Variants in MCTP1 observed in about 807,000 individuals in gnomAD.
MCTP1 encodes multiple C2 and transmembrane domain-containing protein 1.
MCTP1 carries 69 observed loss-of-function variants against 120.6 expected under a neutral mutation model. The observed-to-expected ratio is 0.57, with a 90% CI of 0.47 to 0.70. The LOEUF (loss-of-function observed/expected upper bound fraction) is 0.70, where lower values mean the gene tolerates loss of function less well. MCTP1 is among the 30% of genes least tolerant of loss of function. The probability of loss-of-function intolerance (pLI) is 0.00; values close to 1 mark genes in which losing one functional copy is unlikely to be tolerated. For synonymous variants in MCTP1, 529 were observed against 493.1 expected (o/e 1.07, Z -0.96); for missense variants, 1,203 against 1,248.8 (o/e 0.96, Z 0.55).
At chr5:94,927,482 A>G (rs1813451190) in intron 6 of MCTP1, among the ~76,000 whole-genome samples, 1 of 152,208 alleles carries the variant, frequency 6.6e-6, no homozygotes, top group Non-Finnish European at 1.5e-5. Flanking sequence ...GACTAGAAAT[A>G]TGGCACCTAA....
At chr5:95,050,712 G>A (rs1249062449) in intron 1 of MCTP1, among the ~76,000 whole-genome samples, 1 of 152,208 alleles carries the variant, frequency 6.6e-6, no homozygotes, top group Non-Finnish European at 1.5e-5. Flanking sequence ...CCTTGGCAGA[G>A]ATGCTTTGCT....
In MCTP1 at chr5:95,002,795, T is replaced by C. The variant is rs12515024; in HGVS notation, c.838+14572A>G. Among the ~76,000 whole-genome samples the C allele has an allele frequency of 5.0e-3, 768 of 152,298 alleles. 2 individuals carry two copies. The highest frequency in any genetic ancestry group is 0.011 in the Admixed American group (175 of 15,300). ...TTAATGCTGGAATGAGTTAAGACTT[T>C]GGGAGACTGTTGGAAGGGAATGATT... On this transcript the variant is annotated intron_variant, in intron 2 of 22. Coordinates refer to ENST00000515393, the MANE Select transcript of MCTP1 (RefSeq NM_024717.7).
At chr5:94,798,605 C>A (rs1382671872) in intron 18 of MCTP1, among the ~76,000 whole-genome samples, 1 of 151,988 alleles carries the variant, frequency 6.6e-6, no homozygotes, top group African/African-American at 2.4e-5. Context: ...TTCCAATGAC[C>A]GAGCACAAAG....
intron 1 of MCTP1, among the ~76,000 whole-genome samples, chr5:95,037,907 C>A (rs920021144): frequency 6.6e-6 from 1 of 152,212 alleles, no homozygotes; most frequent in East Asian, 1.9e-4. Context: ...CAACCACCAC[C>A]ACCTACTTAT....
chr5:94,899,809 T>C (rs1209172907), intron 10 of MCTP1, among the ~76,000 whole-genome samples: 1 of 152,178 alleles, frequency 6.6e-6, no homozygotes, highest in Non-Finnish European at 1.5e-5. Flanking sequence ...AATCCATGAA[T>C]ATATTTCCTT....
chr5:94,734,302 G>A (rs948046703), intron 19 of MCTP1, among the ~76,000 whole-genome samples: 2 of 152,150 alleles, frequency 1.3e-5, no homozygotes, highest in South Asian at 4.1e-4. Flanking sequence ...CTTATAACAT[G>A]TATTGTACTT....
intron 1 of MCTP1, among the ~76,000 whole-genome samples, chr5:95,259,966 T>C (rs1758317822): frequency 1.3e-5 from 2 of 152,204 alleles, no homozygotes; most frequent in African/African-American, 2.4e-5. Context: ...AAGGAGGGGT[T>C]TGTGCCTGAC....
intron 12 of MCTP1, among the ~76,000 whole-genome samples, chr5:94,881,718 G>A (rs1413466618): frequency 6.6e-6 from 1 of 152,098 alleles, no homozygotes; most frequent in Non-Finnish European, 1.5e-5. Flanking sequence ...TGTGAGATTA[G>A]TCATATATGA....
chr5:94,830,047 G>A (rs994122012), intron 17 of MCTP1, among the ~76,000 whole-genome samples: 3 of 152,278 alleles, frequency 2.0e-5, no homozygotes, highest in Non-Finnish European at 4.4e-5. Flanking sequence ...GGCAGCATTC[G>A]GGATGTTTCA....
At chr5:94,960,858 G>A (rs1561931053) in intron 2 of MCTP1, among the ~76,000 whole-genome samples, 1 of 152,222 alleles carries the variant, frequency 6.6e-6, no homozygotes, top group South Asian at 2.1e-4. Context: ...GGGGAAGACT[G>A]TGTGGCAATT....
chr5:95,073,681 G>A (rs1361295987), intron 1 of MCTP1, among the ~76,000 whole-genome samples: 1 of 152,198 alleles, frequency 6.6e-6, no homozygotes, highest in Non-Finnish European at 1.5e-5. Context: ...GCAGGAATAT[G>A]GAACACACAG....
chr5:95,170,498 T>G (rs1582429562), intron 1 of MCTP1, among the ~76,000 whole-genome samples: 1 of 152,320 alleles, frequency 6.6e-6, no homozygotes, highest in Admixed American at 6.5e-5. Context: ...CTGTCTAATG[T>G]TGACAGTGGG....
chr5:95,282,086 G>T (rs543400976), intron 1 of MCTP1, among the ~76,000 whole-genome samples: 64 of 152,308 alleles, frequency 4.2e-4, no homozygotes, highest in Admixed American at 1.6e-3. Context: ...TGCTGTGAGG[G>T]TTAAACTATG....
intron 1 of MCTP1, among the ~76,000 whole-genome samples, chr5:95,146,360 A>G (rs1450122365): frequency 6.6e-6 from 1 of 152,096 alleles, no homozygotes; most frequent in African/African-American, 2.4e-5. Flanking sequence ...GACATTTTGT[A>G]GTAACTTTTG....
rs74724413 is a variant in MCTP1, at chr5:94,772,019, C to G, written c.2610+7091G>C. ...CTTCCTCCATCTCCAAAGCCAGCAA[C>G]AGCAGTCCCCACCCCCTACCAGTTA... On this transcript the variant is annotated intron_variant, in intron 19 of 22. Coordinates refer to ENST00000515393, the MANE Select transcript of MCTP1 (RefSeq NM_024717.7). 6.3e-3 allele frequency among the ~76,000 whole-genome samples: 966 copies of G among 152,204 alleles called. 10 individuals are homozygous for G. Among genetic ancestry groups the G allele is most frequent in the African/African-American group, 0.021 (882 of 41,534 alleles).
At position 94,912,888 on chromosome 5, in the gene MCTP1, C is replaced by G. The variant is rs755240807; in HGVS notation, c.1439G>C (p.Arg480Thr). The change falls in exon 9 of 23, where the codon AGA (arginine) becomes ACA (threonine). Residue 480 changes from arginine (R) to threonine (T), a missense_variant. Around this residue, in one of 2 missense-constraint regions of MCTP1, gnomAD observed 740 missense variants for 871.1 expected, o/e 0.85. Transcript: ENST00000515393. ...GTTGGAATCCATGGCCTTGAGGTCT[C>G]TCCCTTCAATCAAGGTGATGCTGAC... ...GIVSITLIEG[R>T]DLKAMDSNGL... 3 of 1,601,102 alleles carry G rather than the reference C, an allele frequency of 1.9e-6. No homozygotes were observed. In the Admixed American group the frequency reaches 5.2e-5, roughly 28 times the overall value.
intron 1 of MCTP1, among the ~76,000 whole-genome samples, chr5:95,142,168 T>C (rs909991811): frequency 2.0e-5 from 3 of 152,240 alleles, no homozygotes; most frequent in Non-Finnish European, 4.4e-5. Flanking sequence ...ATGAAGGCTA[T>C]ATGTAAAGTT....
chr5:94,851,490 T>C (rs1291978427), intron 17 of MCTP1, among the ~76,000 whole-genome samples: 5 of 152,072 alleles, frequency 3.3e-5, no homozygotes, highest in African/African-American at 1.2e-4. Context: ...TTAATATTGC[T>C]ATTTATACAG....
At chr5:95,094,105 C>T (rs1756048541) in intron 1 of MCTP1, among the ~76,000 whole-genome samples, 1 of 152,206 alleles carries the variant, frequency 6.6e-6, no homozygotes, top group Non-Finnish European at 1.5e-5. Context: ...CCCTGCCTGA[C>T]GTGAAGATTG....
Sources: gnomAD v4.1 joint callset for allele counts (sites outside exome capture counted in the v4.1 genomes callset) on GRCh38, gnomAD v4.1.1 for gene constraint, gnomAD v4.1.1 regional missense constraint, MANE v1.5 for transcripts, NCBI Gene and HGNC (gene_info 2026-07-23, HGNC 2026-07-21) for gene names.